Variants in TSC2 observed in about 807,000 individuals in gnomAD.
The protein encoded by TSC2 is tuberin.
Under a neutral mutation model 202.2 loss-of-function variants are expected in TSC2, and 29 were observed. The observed-to-expected ratio is 0.14, with a 90% CI of 0.11 to 0.20. The LOEUF (loss-of-function observed/expected upper bound fraction) is 0.20, where lower values mean the gene tolerates loss of function less well. Among genes scored for constraint, TSC2 ranks in the 10% least tolerant of loss-of-function variants. The probability of loss-of-function intolerance (pLI) is 1.00; values close to 1 mark genes in which losing one functional copy is unlikely to be tolerated. For missense variants in TSC2, 2,429 were observed against 2,420.0 expected, an observed-to-expected ratio of 1.00 and a Z score of -0.08; for synonymous variants, 1,349 against 1,044.0, an observed-to-expected ratio of 1.29 and a Z score of -5.63.
chr16:2,086,172 G>A, intron 36 of TSC2, 21 bp from the exon 37 acceptor site: 1 of 1,612,184 alleles, frequency 6.2e-7, no homozygotes, highest in Non-Finnish European at 8.5e-7. Flanking sequence ...ATGCCACCCT[G>A]CCTCTCCCCT....
chr16:2,058,614 A>G, intron 9 of TSC2, 133 bp from the exon 10 acceptor site: 2 of 1,353,170 alleles, frequency 1.5e-6, no homozygotes, highest in Non-Finnish European at 2.0e-6. Context: ...GCCCTTCCCC[A>G]GCGGTGCTCC....
rs878854096 is a variant in TSC2 at position 2,082,511 on chromosome 16, CCT to C, written c.3883+11_3883+12del. 19 of 1,610,856 alleles carry C rather than the reference CCT, an allele frequency of 1.2e-5. No homozygotes were observed. The East Asian group carries it at 3.6e-4, about 30-fold the overall frequency. ...AGGAGCGTTTCCTGGGCAGGTATCG[CCT>C]CTCAGAGGGAAGCGGTTGGCTGCAG... is the stretch of plus-strand genomic sequence containing the variant. On this transcript the variant is annotated splice_region_variant and intron_variant, in intron 32 of 41. Coordinates refer to ENST00000219476, the MANE Select transcript of TSC2 (RefSeq NM_000548.5).
chr16:2,082,099 C>T (rs2090214868), intron 31 of TSC2: 1 of 590,366 alleles, frequency 1.7e-6, no homozygotes, highest in African/African-American at 1.9e-5. Flanking sequence ...GGCAGCCTCC[C>T]TCCCTGCCTG....
At position 2,088,301 on chromosome 16, in the gene TSC2, C is replaced by T. The variant is rs2151631746; in HGVS notation, c.5235C>T (p.Arg1745=). The change falls in exon 41 of 42, where the codon CGC becomes CGT. Residue 1745 remains arginine (R), a synonymous_variant. Coordinates refer to ENST00000219476, the MANE Select transcript of TSC2 (RefSeq NM_000548.5). ...IYPSKWIARL[R]HIKRLRQRIC... is the part of the protein sequence containing the mutation. ...CCTCCAAGTGGATTGCCCGGCTCCG[C>T]CACATCAAGCGGCTCCGCCAGCGGG... The T allele has an allele frequency of 1.2e-6, 2 of 1,612,702 alleles. No individual in the cohort carries two copies. The highest frequency in any genetic ancestry group is 2.2e-5 in the East Asian group (1 of 44,884).
At position 2,081,778 on chromosome 16, in the gene TSC2, C is replaced by T. The variant is rs1424206593; in HGVS notation, c.3794C>T (p.Pro1265Leu). The change falls in exon 31 of 42, where the codon CCT (proline) becomes CTT (leucine). Residue 1265 changes from proline to leucine, a missense_variant. Physicochemically the swap from Pro to Leu is moderately conservative, Grantham distance 98 (BLOSUM62 -3). Transcript: ENST00000219476. ...GCAGCCAGCACGGCCAAACCCCCTC[C>T]TCTGCCTCGCTCCAACACAGGTGAG... ...VPAASTAKPP[P>L]LPRSNTVASF... The T allele has an allele frequency of 1.2e-6, 2 of 1,612,484 alleles. No individual in the cohort carries two copies. The highest frequency in any genetic ancestry group is 1.7e-6 in the Non-Finnish European group (2 of 1,179,978).
intron 22 of TSC2, 99 bp downstream of exon 22, chr16:2,074,488 C>G: frequency 6.9e-7 from 1 of 1,459,352 alleles, no homozygotes; most frequent in Non-Finnish European, 9.3e-7. Flanking sequence ...CTTGGGGAAC[C>G]TGGGTGTCTC....
chr16:2,063,887 C>CA (rs1434631577), intron 14 of TSC2: 66 of 372,336 alleles, frequency 1.8e-4, no homozygotes, highest in South Asian at 5.5e-4. Flanking sequence ...CACAGGCACA[C>CA]ACGTGCACAT....
chr16:2,075,690 T>C (rs898350680), intron 22 of TSC2, 109 bp from the exon 23 acceptor site: 125 of 1,217,288 alleles, frequency 1.0e-4, no homozygotes, highest in Non-Finnish European at 1.4e-4. Flanking sequence ...GCCGTGGCCT[T>C]CTCTCCTCTG....
chr16:2,082,615 C>G (rs1179492323), intron 32 of TSC2, 111 bp downstream of exon 32: 1 of 1,267,250 alleles, frequency 7.9e-7, no homozygotes, highest in Non-Finnish European at 1.1e-6. Flanking sequence ...CTCCATTGCC[C>G]TGGGGAGCAG....
At chr16:2,075,929 T>C in intron 23 of TSC2, 37 bp downstream of exon 23, 1 of 1,612,640 alleles carries the variant, frequency 6.2e-7, no homozygotes, top group Non-Finnish European at 8.5e-7. Flanking sequence ...CTCCCAGCCG[T>C]GGCCCCCGCT....
chr16:2,050,632 T>G, intron 3 of TSC2, 146 bp downstream of exon 3: 1 of 674,524 alleles, frequency 1.5e-6, no homozygotes, highest in Non-Finnish European at 2.5e-6. Context: ...GATGGAGTCT[T>G]GCTCTGTCGC....
At position 2,055,348 on chromosome 16, in the gene TSC2, G is replaced by C. The variant is rs566082175; in HGVS notation, c.482-54G>C. 8 of 1,389,942 alleles carry C rather than the reference G, an allele frequency of 5.8e-6. No individual in the cohort carries two copies. In the African/African-American group the frequency reaches 1.1e-4, roughly 20 times the overall value. 86.1% of individuals were successfully genotyped at this position (1,389,942 alleles called of 1,614,324 possible). Reference sequence around the variant, plus strand: ...CTGTCCTGCGGCGGGAGGGGGAGGTGAGTGGGAGATGTAGATTCGGCGTCC... The same window carrying C: ...CTGTCCTGCGGCGGGAGGGGGAGGTCAGTGGGAGATGTAGATTCGGCGTCC... On this transcript the variant is annotated intron_variant, in intron 5 of 41. Transcript: ENST00000219476.
In TSC2 at chr16:2,060,810, C is replaced by T. The variant is rs587780973; in HGVS notation, c.1116C>T (p.Leu372=). The change falls in exon 11 of 42, where the codon CTC becomes CTT. Residue 372 remains leucine (L), a synonymous_variant. Coordinates refer to ENST00000219476, the MANE Select transcript of TSC2 (RefSeq NM_000548.5). ...TCATCGAACGGCTCCTTCAGCAGCT[C>T]CAGGTGGGGTGGGGGCAGGAGCTCC... ...LNIIERLLQQ[L]QTLDSPELRT... 3.1e-6 allele frequency: 5 copies of T among 1,613,370 alleles called. No homozygotes were observed. In the African/African-American group the frequency reaches 4.0e-5, roughly 13 times the overall value.
At chr16:2,051,488 G>A (rs942757530) in intron 3 of TSC2, among the ~76,000 whole-genome samples, 1 of 152,154 alleles carries the variant, frequency 6.6e-6, no homozygotes, top group Non-Finnish European at 1.5e-5. Flanking sequence ...CTGGTCGGTG[G>A]TATTGGGCGA....
rs137854133 is a variant in TSC2 at position 2,050,402 on chromosome 16, A to T, written c.141A>T (p.Glu47Asp). The part of the protein sequence containing the change: ...EFIITAEILR[E>D]LSMECGLNNR... ...TTTCTTCTTTCATCTCTCTCCAGGA[A>T]CTGAGCATGGAATGTGGCCTCAACA... The change falls in exon 3 of 42, where the codon GAA (glutamate) becomes GAT (aspartate). Residue 47 changes from glutamate (E) to aspartate (D), a missense_variant and splice_region_variant. Glu to Asp is a conservative substitution (Grantham distance 45). Transcript: ENST00000219476. The T allele has an allele frequency of 6.2e-7, 1 of 1,613,878 alleles. No homozygotes were observed.
At chr16:2,057,611 G>A (rs1401376161) in intron 9 of TSC2, among the ~76,000 whole-genome samples, 2 of 152,086 alleles carry the variant, frequency 1.3e-5, no homozygotes, top group Admixed American at 1.3e-4. Flanking sequence ...CTGCTCTCCT[G>A]TATCCATCCG....
rs559615653 is a variant in TSC2 at position 2,062,416 on chromosome 16, C to G, written c.1258-81C>G. 5.2e-4 allele frequency: 717 copies of G among 1,383,522 alleles called. 2 individuals are homozygous for G. Among genetic ancestry groups the G allele is most frequent in the Non-Finnish European group, 6.8e-4 (673 of 994,924 alleles). 85.7% of individuals were successfully genotyped at this position (1,383,522 alleles called of 1,614,324 possible). On this transcript the variant is annotated intron_variant, in intron 12 of 41. Transcript: ENST00000219476. The stretch of plus-strand genomic sequence containing the variant: ...AGGCGGCTGGGCTCTGACAGCAAAC[C>G]AGCCTCTCGACCAGCAGCCCAGTGT...
rs1064793797 is a variant in TSC2 at position 2,083,763 on chromosome 16, G to A, written c.3952G>A (p.Glu1318Lys). 6.2e-7 allele frequency: 1 copy of A among 1,610,620 alleles called. No individual in the cohort carries two copies. Among genetic ancestry groups the A allele is most frequent in the Non-Finnish European group, 8.5e-7 (1 of 1,179,282 alleles). ...VPVLVEPPGL[E>K]DVEAALGMDR... ...TGTGCTGGTGGAGCCCCCAGGGTTGGAGGACGTTGAGGCAGCGCTAGGCAT... is the reference window on the plus strand; with the variant it reads ...TGTGCTGGTGGAGCCCCCAGGGTTGAAGGACGTTGAGGCAGCGCTAGGCAT... Residue 1318 changes from glutamate (E) to lysine (K), a missense_variant, in exon 33 of 42, where the codon GAG becomes AAG. By Grantham distance (56) the Glu-to-Lys change is moderately conservative (BLOSUM62 1). Coordinates refer to ENST00000219476, the MANE Select transcript of TSC2 (RefSeq NM_000548.5).
intron 32 of TSC2, chr16:2,082,924 C>T (rs1405587362): frequency 2.7e-6 from 1 of 377,330 alleles, no homozygotes; most frequent in Non-Finnish European, 5.2e-6. Flanking sequence ...GGGGCTGCCT[C>T]AAGTCCCAGG....
Sources: gnomAD v4.1 joint callset for allele counts (sites outside exome capture counted in the v4.1 genomes callset) on GRCh38, gnomAD v4.1.1 for gene constraint, MANE v1.5 for transcripts, NCBI Gene and HGNC (gene_info 2026-07-23, HGNC 2026-07-21) for gene names.